The following CFH variants were observed in gnomAD, a reference collection of about 807,000 sequenced individuals.
CFH encodes H factor 1 (complement).
A neutral mutation model predicts 147.3 loss-of-function variants in CFH; 53 were observed. The observed-to-expected ratio is 0.36, with a 90% CI of 0.29 to 0.45. The LOEUF is 0.45. Among genes scored for constraint, CFH ranks in the 20% least tolerant of loss-of-function variants. The pLI is 1.00. For synonymous variants in CFH, 536 were observed against 489.4 expected, an observed-to-expected ratio of 1.10 and a Z score of -1.26; for missense variants, 1,380 against 1,498.0, an observed-to-expected ratio of 0.92 and a Z score of 1.30.
chr1:196,733,205 T>A (rs1030981928), intron 15 of CFH, among the ~76,000 whole-genome samples: 2 of 152,038 alleles, frequency 1.3e-5, no homozygotes, highest in Non-Finnish European at 2.9e-5. Flanking sequence ...TATTTTTTGT[T>A]TGCGTCATTA....
intron 7 of CFH, 36 bp downstream of exon 7, chr1:196,685,273 T>A (rs768111057): frequency 6.2e-7 from 1 of 1,606,206 alleles, no homozygotes; most frequent in Admixed American, 1.7e-5. Context: ...ATTTCTTAAT[T>A]CTGAAATTTC....
intron 1 of CFH, among the ~76,000 whole-genome samples, chr1:196,665,519 C>A (rs1667051932): frequency 6.6e-6 from 1 of 151,794 alleles, no homozygotes; most frequent in East Asian, 1.9e-4. Context: ...TTTAGTCTAC[C>A]TGGCATTTGT....
intron 19 of CFH, 27 bp downstream of exon 19, chr1:196,742,078 T>G: frequency 6.2e-7 from 1 of 1,610,718 alleles, no homozygotes; most frequent in Non-Finnish European, 8.5e-7. Flanking sequence ...TCAAAATTTA[T>G]TTATATAATG....
chr1:196,712,871 G>T (rs1458878175), intron 9 of CFH, among the ~76,000 whole-genome samples: 1 of 148,422 alleles, frequency 6.7e-6, no homozygotes, highest in African/African-American at 2.5e-5. Flanking sequence ...GTGGTGTTTG[G>T]TTTTTTGTCC....
chr1:196,676,562 A>G (rs2149080116), intron 4 of CFH, among the ~76,000 whole-genome samples: 1 of 152,214 alleles, frequency 6.6e-6, no homozygotes, highest in East Asian at 1.9e-4. Flanking sequence ...ACTGGTCTGT[A>G]AAGCAAACAG....
rs1667581350 is a variant in CFH at position 196,679,651 on chromosome 1, A to G, written c.648A>G (p.Ile216Met). ...VEISCKSPDV[I>M]NGSPISQKII... ...TTTCATGCAAATCCCCAGATGTTATAAATGGATCTCCTATATCTCAGAAGA... is the reference window on the plus strand; with the variant it reads ...TTTCATGCAAATCCCCAGATGTTATGAATGGATCTCCTATATCTCAGAAGA... Residue 216 changes from isoleucine to methionine, a missense_variant, in exon 6 of 22, where the codon ATA (isoleucine) becomes ATG (methionine). Ile to Met is a conservative substitution (Grantham distance 10). Around this residue, in one of 4 missense-constraint regions of CFH, gnomAD observed 260 missense variants for 263.3 expected, o/e 0.99. Transcript: ENST00000367429. 1.2e-6 allele frequency: 2 copies of G among 1,606,746 alleles called. No homozygotes were observed. The highest frequency in any genetic ancestry group is 1.7e-6 in the Non-Finnish European group (2 of 1,174,424).
intron 12 of CFH, among the ~76,000 whole-genome samples, chr1:196,725,891 G>A (rs1259098145): frequency 6.6e-6 from 1 of 152,120 alleles, no homozygotes; most frequent in Admixed American, 6.6e-5. Context: ...GAAACACTGG[G>A]GATGAAGTTT....
At position 196,715,666 on chromosome 1, in the gene CFH, A is replaced by C; in HGVS notation, c.1593A>C (p.Thr531=). ...NDFTWFKLND[T]LDYECHDGYE... is the part of the protein sequence containing the mutation. ...TCACATGGTTTAAGCTGAATGACAC[A>C]TTGGACTATGAATGCCATGATGGTT... is the stretch of plus-strand genomic sequence containing the variant. The change falls in exon 11 of 22, where the codon ACA becomes ACC. Residue 531 remains threonine (T), a synonymous_variant. Coordinates refer to ENST00000367429, the MANE Select transcript of CFH (RefSeq NM_000186.4). The C allele has an allele frequency of 1.2e-6, 2 of 1,612,740 alleles. No homozygotes were observed. Among genetic ancestry groups the C allele is most frequent in the East Asian group, 4.5e-5 (2 of 44,742 alleles).
At chr1:196,741,819 G>A in intron 18 of CFH, 56 bp from the exon 19 acceptor site, 2 of 1,480,296 alleles carry the variant, frequency 1.4e-6, no homozygotes, top group East Asian at 2.3e-5. Flanking sequence ...TACATGTATT[G>A]TATGTAACCT....
chr1:196,721,035 G>T (rs760178432), intron 11 of CFH, among the ~76,000 whole-genome samples: 1 of 151,558 alleles, frequency 6.6e-6, no homozygotes, highest in Non-Finnish European at 1.5e-5. Flanking sequence ...TTTTTAATTC[G>T]CATTTCTCTG....
At chr1:196,673,498 G>A (rs1291527198) in intron 2 of CFH, 17 of 370,026 alleles carry the variant, frequency 4.6e-5, no homozygotes, top group Non-Finnish European at 6.6e-5. Flanking sequence ...CACCACGCCC[G>A]GCTAATTTTT....
In CFH at chr1:196,673,862, C is replaced by A. The variant is rs1457877597; in HGVS notation, c.250C>A (p.Pro84Thr). The A allele has an allele frequency of 1.2e-6, 2 of 1,609,746 alleles. No homozygotes were observed. The highest frequency in any genetic ancestry group is 1.3e-5 in the African/African-American group (1 of 74,664). ...LNPLRKCQKR[P>T]CGHPGDTPFG... ...AACTTTTTTTTTCGTTTTAGAAAGG[C>A]CCTGTGGACATCCTGGAGATACTCC... The change falls in exon 3 of 22, where the codon CCC becomes ACC. Residue 84 changes from proline to threonine, a missense_variant. Transcript: ENST00000367429.
chr1:196,660,838 A>T (rs944853881), intron 1 of CFH, among the ~76,000 whole-genome samples: 4 of 152,342 alleles, frequency 2.6e-5, no homozygotes, highest in Non-Finnish European at 4.4e-5. Flanking sequence ...GCAATGAACT[A>T]TATTTGGAAA....
intron 9 of CFH, 85 bp downstream of exon 9, chr1:196,690,324 G>A: frequency 1.3e-6 from 2 of 1,578,208 alleles, no homozygotes; most frequent in East Asian, 2.2e-5. Context: ...TATATTAATT[G>A]TGGCAAAATG....
intron 1 of CFH, among the ~76,000 whole-genome samples, chr1:196,668,995 G>A (rs897335712): frequency 1.3e-5 from 2 of 152,208 alleles, no homozygotes; most frequent in African/African-American, 4.8e-5. Context: ...ACTTCCTAGA[G>A]ACTTGTTGAA....
intron 18 of CFH, 96 bp downstream of exon 18, chr1:196,740,888 T>G: frequency 8.0e-7 from 1 of 1,243,406 alleles, no homozygotes; most frequent in Non-Finnish European, 1.2e-6. Context: ...CTCTAGAAAT[T>G]CATAAGGTTT....
At chr1:196,667,104 G>A (rs1667123402) in intron 1 of CFH, among the ~76,000 whole-genome samples, 1 of 152,104 alleles carries the variant, frequency 6.6e-6, no homozygotes, top group Non-Finnish European at 1.5e-5. Flanking sequence ...AACTATGATG[G>A]TGGATTGCTT....
At chr1:196,734,217 A>T (rs1007274303) in intron 15 of CFH, among the ~76,000 whole-genome samples, 3 of 152,240 alleles carry the variant, frequency 2.0e-5, no homozygotes, top group African/African-American at 7.2e-5. Flanking sequence ...TTACTTGTTC[A>T]ATGTGAATGT....
intron 9 of CFH, chr1:196,690,442 C>G (rs1667986394): frequency 1.4e-6 from 1 of 699,906 alleles, no homozygotes; most frequent in South Asian, 1.6e-5. Flanking sequence ...ATAAATTCTC[C>G]TATTAATGGG....
Sources: allele counts gnomAD v4.1 joint callset (sites outside exome capture counted in the v4.1 genomes callset), GRCh38; gene constraint gnomAD v4.1.1; regional missense constraint gnomAD v4.1.1; transcripts MANE v1.5; gene names NCBI Gene and HGNC (gene_info 2026-07-23, HGNC 2026-07-21).